The following BNC2 variants were observed in gnomAD, a reference collection of about 807,000 sequenced individuals.
BNC2 encodes zinc finger protein basonuclin-2.
In BNC2, 20 loss-of-function variants were observed where a neutral mutation model predicts 76.3. The observed-to-expected ratio is 0.26, with a 90% confidence interval of 0.18 to 0.38. The LOEUF is 0.38. Among genes scored for constraint, BNC2 ranks in the 10% least tolerant of loss-of-function variants. BNC2 has a pLI of 1.00. For synonymous variants in BNC2, 582 were observed against 514.8 expected (o/e 1.13, Z -1.77); for missense variants, 1,382 against 1,399.8 (o/e 0.99, Z 0.20).
At chr9:16,846,329 A>G (rs916400973) in intron 1 of BNC2, among the ~76,000 whole-genome samples, 2 of 152,204 alleles carry the variant, frequency 1.3e-5, no homozygotes, top group African/African-American at 4.8e-5. Flanking sequence ...GAACTGTACA[A>G]TCTTTTCACT....
intron 3 of BNC2, among the ~76,000 whole-genome samples, chr9:16,684,439 CT>C (rs1332774082): frequency 6.6e-6 from 1 of 152,052 alleles, no homozygotes; most frequent in Non-Finnish European, 1.5e-5. Context: ...GTGGTCTTCC[CT>C]GGGCCAAGAG....
intron 5 of BNC2, among the ~76,000 whole-genome samples, chr9:16,551,922 G>T (rs533804201): frequency 6.6e-6 from 1 of 152,316 alleles, no homozygotes; most frequent in Non-Finnish European, 1.5e-5. Flanking sequence ...CTCAAGGCTG[G>T]AAGAACAGGT....
At chr9:16,701,695 A>T (rs1317508438) in intron 3 of BNC2, among the ~76,000 whole-genome samples, 1 of 151,798 alleles carries the variant, frequency 6.6e-6, no homozygotes, top group African/African-American at 2.4e-5. Flanking sequence ...TAATCCCAGC[A>T]CTTTGGAAGG....
At chr9:16,762,494 G>A (rs1454331920) in intron 1 of BNC2, among the ~76,000 whole-genome samples, 1 of 152,172 alleles carries the variant, frequency 6.6e-6, no homozygotes, top group African/African-American at 2.4e-5. Context: ...TACAGAAAGG[G>A]GAGATCAGTA....
At chr9:16,815,287 T>C (rs905574557) in intron 1 of BNC2, among the ~76,000 whole-genome samples, 2 of 152,062 alleles carry the variant, frequency 1.3e-5, no homozygotes, top group African/African-American at 4.8e-5. Flanking sequence ...CTAAGGACCA[T>C]GGCATGGAAA....
intron 5 of BNC2, among the ~76,000 whole-genome samples, chr9:16,549,364 C>T (rs1818589116): frequency 6.6e-6 from 1 of 152,172 alleles, no homozygotes; most frequent in Non-Finnish European, 1.5e-5. Context: ...CCCTAACCTG[C>T]CTTGATAATT....
At chr9:16,840,203 T>C (rs754080062) in intron 1 of BNC2, among the ~76,000 whole-genome samples, 1 of 152,186 alleles carries the variant, frequency 6.6e-6, no homozygotes, top group Non-Finnish European at 1.5e-5. Context: ...CCACAGAGCC[T>C]ATCTGCAATG....
intron 1 of BNC2, among the ~76,000 whole-genome samples, chr9:16,785,076 G>GT (rs1220528231): frequency 6.6e-6 from 1 of 152,184 alleles, no homozygotes; most frequent in African/African-American, 2.4e-5. Context: ...AGCTTCCAGT[G>GT]TACCTTTTGG....
At chr9:16,554,882 C>T (rs1818774860) in intron 4 of BNC2, among the ~76,000 whole-genome samples, 1 of 152,154 alleles carries the variant, frequency 6.6e-6, no homozygotes, top group South Asian at 2.1e-4. Flanking sequence ...ACACAAAATC[C>T]TGATTTTTGT....
intron 4 of BNC2, among the ~76,000 whole-genome samples, chr9:16,567,925 C>T (rs941589627): frequency 1.3e-5 from 2 of 152,060 alleles, no homozygotes; most frequent in Non-Finnish European, 2.9e-5. Flanking sequence ...AAAATCTGTA[C>T]GAAAAGGGTC....
chr9:16,786,806 G>T (rs1434487401), intron 1 of BNC2, among the ~76,000 whole-genome samples: 2 of 152,254 alleles, frequency 1.3e-5, no homozygotes, highest in East Asian at 3.9e-4. Flanking sequence ...TCAAGGGAAG[G>T]TCATTGATCT....
At chr9:16,756,960 C>T (rs1825401805) in intron 1 of BNC2, among the ~76,000 whole-genome samples, 1 of 148,442 alleles carries the variant, frequency 6.7e-6, no homozygotes, top group South Asian at 2.2e-4. Flanking sequence ...CAATGCACTC[C>T]AGCCTGGGCA....
At chr9:16,558,668 T>C (rs968546871) in intron 4 of BNC2, among the ~76,000 whole-genome samples, 1 of 152,174 alleles carries the variant, frequency 6.6e-6, no homozygotes, top group Non-Finnish European at 1.5e-5. Context: ...CGGTGGCTCA[T>C]GCCTGTCATC....
At chr9:16,721,959 G>C (rs1444986505) in intron 3 of BNC2, among the ~76,000 whole-genome samples, 1 of 152,094 alleles carries the variant, frequency 6.6e-6, no homozygotes. Flanking sequence ...ATACCTCTTG[G>C]GCTATACAGA....
At chr9:16,522,250 G>C (rs1439140315) in intron 5 of BNC2, among the ~76,000 whole-genome samples, 1 of 152,192 alleles carries the variant, frequency 6.6e-6, no homozygotes, top group Admixed American at 6.5e-5. Context: ...TAAGCAAAGA[G>C]GAAGCATAAT....
chr9:16,499,530 C>CTTT lies in BNC2; in HGVS notation c.669+52997_669+52999dup, dbSNP rs763681726. ...CTCCTCCCTAAATATCTTTTTTTTT[C>CTTT]TTTTTTTTTTTTTTTTTGAGACAGA... On this transcript the variant is annotated intron_variant, in intron 5 of 6. Transcript: ENST00000380672. Among the ~76,000 whole-genome samples the CTTT allele has an allele frequency of 3.9e-4, 50 of 127,094 alleles. 1 individual carries two copies. The highest frequency in any genetic ancestry group is 3.5e-3 in the South Asian group (13 of 3,678). 83.4% of individuals were successfully genotyped at this position (127,094 alleles called of 152,430 possible).
chr9:16,596,924 T>G (rs1371987625), intron 3 of BNC2, among the ~76,000 whole-genome samples: 1 of 152,164 alleles, frequency 6.6e-6, no homozygotes, highest in Non-Finnish European at 1.5e-5. Context: ...CAGGCTGTAA[T>G]TAGAATTCTT....
intron 3 of BNC2, chr9:16,727,098 T>G (rs1824353515): frequency 6.6e-6 from 1 of 152,488 alleles, no homozygotes; most frequent in South Asian, 2.1e-4. Flanking sequence ...ACGCCGAGGC[T>G]GCGCCCGAGT....
chr9:16,863,626 T>C (rs1173968980), intron 1 of BNC2, among the ~76,000 whole-genome samples: 3 of 152,122 alleles, frequency 2.0e-5, no homozygotes, highest in Non-Finnish European at 2.9e-5. Context: ...ACCCAGGAGA[T>C]GGAGGTTGCA....
Sources: allele counts gnomAD v4.1 joint callset (sites outside exome capture counted in the v4.1 genomes callset), GRCh38; gene constraint gnomAD v4.1.1; transcripts MANE v1.5; gene names NCBI Gene and HGNC (gene_info 2026-07-23, HGNC 2026-07-21).